The following DNAI7 variants were observed in gnomAD, a reference collection of about 807,000 sequenced individuals.
DNAI7 encodes the protein cancer susceptibility 1.
Under a neutral mutation model 86.6 loss-of-function variants are expected in DNAI7, and 78 were observed. The observed-to-expected ratio is 0.90, with a 90% confidence interval of 0.75 to 1.09. The LOEUF (loss-of-function observed/expected upper bound fraction) is 1.09. Among genes scored for constraint, DNAI7 ranks in the 50% least tolerant of loss-of-function variants. DNAI7 has a pLI of 0.00. For synonymous variants in DNAI7, 274 were observed against 273.0 expected (o/e 1.00, Z -0.04); for missense variants, 753 against 810.2 (o/e 0.93, Z 0.86).
chr12:25,146,954 A>C (rs757009579), intron 8 of DNAI7, 47 bp downstream of exon 8: 2 of 961,708 alleles, frequency 2.1e-6, no homozygotes, highest in Non-Finnish European at 3.4e-6. Flanking sequence ...GATGTGGCTC[A>C]ATGTCTTTCT....
intron 2 of DNAI7, chr12:25,185,756 C>G: frequency 1.0e-6 from 1 of 983,858 alleles, no homozygotes; most frequent in Middle Eastern, 5.2e-4. Context: ...CACTCTTTGG[C>G]CACTGAAGCC....
chr12:25,120,771 C>A (rs1264241493), intron 11 of DNAI7, among the ~76,000 whole-genome samples: 1 of 152,078 alleles, frequency 6.6e-6, no homozygotes, highest in South Asian at 2.1e-4. Flanking sequence ...TCAATAATAG[C>A]GCAAGTGTTA....
rs186822810 is a variant in DNAI7 at position 25,174,095 on chromosome 12, T to C, written c.22-12898A>G. Among the ~76,000 whole-genome samples, 113 of 148,504 alleles carry C rather than the reference T, an allele frequency of 7.6e-4. 4 individuals carry two copies. The South Asian group carries it at 0.011, about 14-fold the overall frequency. ...CCATTTGTATATCTTCTTTTGAGAATTGTGTATTCATGTCCTTAGCCCACT... is the reference window on the plus strand; with the variant it reads ...CCATTTGTATATCTTCTTTTGAGAACTGTGTATTCATGTCCTTAGCCCACT... On this transcript the variant is annotated intron_variant, in intron 2 of 15. Transcript: ENST00000395987.
chr12:25,161,282 A>C, intron 2 of DNAI7, 85 bp from the exon 3 acceptor site: 1 of 1,223,518 alleles, frequency 8.2e-7, no homozygotes, highest in Non-Finnish European at 1.2e-6. Context: ...ATTATGAAAA[A>C]CATTTTTGCT....
At chr12:25,124,395 C>T (rs1941792466) in intron 9 of DNAI7, among the ~76,000 whole-genome samples, 1 of 151,986 alleles carries the variant, frequency 6.6e-6, no homozygotes, top group African/African-American at 2.4e-5. Flanking sequence ...ATAGTAGTGG[C>T]ATTGCTAGAC....
chr12:25,118,225 G>C (rs980852396), intron 12 of DNAI7, among the ~76,000 whole-genome samples: 1 of 151,782 alleles, frequency 6.6e-6, no homozygotes, highest in African/African-American at 2.4e-5. Context: ...GAGCCACAGC[G>C]CCTGGCCTGA....
At chr12:25,171,344 C>T (rs1017185190) in intron 2 of DNAI7, among the ~76,000 whole-genome samples, 4 of 152,114 alleles carry the variant, frequency 2.6e-5, no homozygotes, top group African/African-American at 9.7e-5. Context: ...ACTATGAACA[C>T]CTTTATGCGC....
intron 1 of DNAI7, 69 bp from the exon 2 acceptor site, chr12:25,190,700 T>C: frequency 1.2e-6 from 1 of 868,138 alleles, no homozygotes. Flanking sequence ...ATCATGATTA[T>C]GTAAGATGTT....
At chr12:25,190,735 G>T in intron 1 of DNAI7, 104 bp from the exon 2 acceptor site, 1 of 536,116 alleles carries the variant, frequency 1.9e-6, no homozygotes. Flanking sequence ...CTTGGTAAAG[G>T]GCATAAGGGA....
At chr12:25,178,768 G>A (rs922749421) in intron 2 of DNAI7, among the ~76,000 whole-genome samples, 1 of 152,086 alleles carries the variant, frequency 6.6e-6, no homozygotes, top group Non-Finnish European at 1.5e-5. Flanking sequence ...TAAATACAGT[G>A]GTTTGGATTG....
intron 11 of DNAI7, among the ~76,000 whole-genome samples, chr12:25,120,484 A>G (rs1941097468): frequency 6.6e-6 from 1 of 152,060 alleles, no homozygotes; most frequent in Non-Finnish European, 1.5e-5. Flanking sequence ...GCACTTTGGG[A>G]GGCCGAGGCG....
At chr12:25,174,003 C>CATATACATGGAATACAT (rs1158322796) in intron 2 of DNAI7, among the ~76,000 whole-genome samples, 104 of 148,376 alleles carry the variant, frequency 7.0e-4, no homozygotes, top group African/African-American at 2.4e-3. Context: ...ATACATATAT[C>CATATACATGGAATACAT]ATATACATGG....
chr12:25,174,698 G>GATATCATATATATGGAATATATAT (rs371617097), intron 2 of DNAI7, among the ~76,000 whole-genome samples: 2 of 79,386 alleles, frequency 2.5e-5, no homozygotes, highest in Non-Finnish European at 4.8e-5. Flanking sequence ...ATGGAATATA[G>GATATCATATATATGGAATATATAT]ATATCATACA....
chr12:25,115,304 A>G (rs1014633086), intron 12 of DNAI7, among the ~76,000 whole-genome samples: 1 of 152,208 alleles, frequency 6.6e-6, no homozygotes, highest in African/African-American at 2.4e-5. Context: ...TTTTGTATAC[A>G]ATTCAATTAT....
intron 9 of DNAI7, among the ~76,000 whole-genome samples, chr12:25,128,344 A>C (rs2031767905): frequency 6.6e-6 from 1 of 152,226 alleles, no homozygotes; most frequent in Non-Finnish European, 1.5e-5. Context: ...ATTAATTAAG[A>C]ATAATTATCC....
At chr12:25,150,284 A>G (rs1945347527) in intron 6 of DNAI7, among the ~76,000 whole-genome samples, 1 of 152,146 alleles carries the variant, frequency 6.6e-6, no homozygotes, top group Non-Finnish European at 1.5e-5. Flanking sequence ...AAACACCTTA[A>G]CCATGTGATC....
chr12:25,111,751 T>C (rs1565614378), intron 14 of DNAI7, 21 bp downstream of exon 14: 2 of 1,502,158 alleles, frequency 1.3e-6, no homozygotes, highest in African/African-American at 1.4e-5. Context: ...CCACATTAAA[T>C]TTGGAAAGAT....
Position 25,149,741 on chromosome 12 carries a change from T to C in DNAI7, c.472A>G (p.Thr158Ala). ...IEKLKFILLETPPCDLQDKNI... is the reference protein window; with the variant it reads ...IEKLKFILLEAPPCDLQDKNI... ...TTATCTTGCAAATCACATGGTGGAG[T>C]TTCCAGTAAAATAAATTTCAATTTC... The change falls in exon 7 of 16, where the codon ACT becomes GCT. Residue 158 changes from threonine (T) to alanine (A), a missense_variant. Coordinates refer to ENST00000395987, the MANE Select transcript of DNAI7 (RefSeq NM_018272.5). 1 of 1,537,488 alleles carries C rather than the reference T, an allele frequency of 6.5e-7. No homozygotes were observed. The highest frequency in any genetic ancestry group is 9.0e-7 in the Non-Finnish European group (1 of 1,115,004).
At chr12:25,162,973 A>G (rs1404148083) in intron 2 of DNAI7, among the ~76,000 whole-genome samples, 2 of 152,246 alleles carry the variant, frequency 1.3e-5, no homozygotes, top group African/African-American at 4.8e-5. Context: ...ACAAACCAGC[A>G]ATCCCAAGAG....
Sources: allele counts gnomAD v4.1 joint callset (sites outside exome capture counted in the v4.1 genomes callset), GRCh38; gene constraint gnomAD v4.1.1; transcripts MANE v1.5; gene names NCBI Gene and HGNC (gene_info 2026-07-23, HGNC 2026-07-21).